SYT14: variants seen among roughly 807,000 people sequenced by gnomAD.
SYT14 encodes the protein synaptotagmin 14.
A neutral mutation model predicts 74.2 loss-of-function variants in SYT14; 32 were observed. The ratio of observed to expected loss-of-function variants is 0.43; its 90% CI spans 0.33 to 0.58. The LOEUF (loss-of-function observed/expected upper bound fraction) is 0.58. Ranked by LOEUF, SYT14 falls within the 20% of genes least tolerant of loss-of-function variation. SYT14 has a pLI of 0.05. For missense variants in SYT14, 791 were observed against 981.8 expected (o/e 0.81, Z 2.60); for synonymous variants, 298 against 337.7 (o/e 0.88, Z 1.29).
At chr1:210,155,652 G>A (rs2083253157) in intron 7 of SYT14, 69 bp from the exon 7 acceptor site, 4 of 1,523,654 alleles carry the variant, frequency 2.6e-6, no homozygotes, top group Non-Finnish European at 3.6e-6. Flanking sequence ...AAATAAACAT[G>A]GCATAACAAT....
intron 1 of SYT14, among the ~76,000 whole-genome samples, chr1:209,948,255 T>C (rs1339034535): frequency 6.6e-6 from 1 of 152,234 alleles, no homozygotes; most frequent in Non-Finnish European, 1.5e-5. Flanking sequence ...CATGTACATA[T>C]GTTGTAATGA....
intron 5 of SYT14, among the ~76,000 whole-genome samples, chr1:210,036,685 T>C (rs752350454): frequency 1.3e-5 from 2 of 152,118 alleles, no homozygotes; most frequent in Non-Finnish European, 2.9e-5. Context: ...TCTGTTGAGA[T>C]GATAATATAG....
exon 10 of SYT14, chr1:210,161,019 T>C: frequency 1.9e-6 from 3 of 1,613,828 alleles, no homozygotes; most frequent in Non-Finnish European, 2.5e-6. Flanking sequence ...AGTATGTAGA[T>C]GGCATGCGTT....
intron 2 of SYT14, among the ~76,000 whole-genome samples, chr1:209,998,308 A>G (rs963639841): frequency 1.3e-5 from 2 of 152,116 alleles, no homozygotes; most frequent in Admixed American, 6.6e-5. Context: ...AGAGGACCCA[A>G]ACAAATGGAA....
intron 2 of SYT14, among the ~76,000 whole-genome samples, chr1:209,993,809 G>A (rs2079737273): frequency 6.6e-6 from 1 of 152,042 alleles, no homozygotes; most frequent in South Asian, 2.1e-4. Context: ...TGAAAGTGAG[G>A]AAGTACCAAA....
chr1:210,040,350 A>G (rs1364771473), intron 5 of SYT14, among the ~76,000 whole-genome samples: 1 of 152,102 alleles, frequency 6.6e-6, no homozygotes, highest in East Asian at 1.9e-4. Context: ...GGGGAACATC[A>G]CACACTGGGA....
exon 10 of SYT14, chr1:210,161,187 GAAC>G: frequency 1.1e-6 from 1 of 880,642 alleles, no homozygotes; most frequent in Non-Finnish European, 1.8e-6. Flanking sequence ...TCTATGGAAA[GAAC>G]GTCTCATACT....
exon 10 of SYT14, chr1:210,161,784 T>C (rs1371562828): frequency 2.2e-6 from 1 of 453,924 alleles, no homozygotes; most frequent in Non-Finnish European, 4.4e-6. Context: ...CAGGTTGTAC[T>C]GTAGAACTAC....
intron 7 of SYT14, among the ~76,000 whole-genome samples, chr1:210,147,149 TAAAA>T (rs1371202385): frequency 1.3e-5 from 2 of 149,616 alleles, no homozygotes; most frequent in Middle Eastern, 3.4e-3. Context: ...AATAAAGAAA[TAAAA>T]GAAGTAATAG....
intron 7 of SYT14, among the ~76,000 whole-genome samples, chr1:210,116,319 T>C (rs1020455093): frequency 6.6e-6 from 1 of 152,122 alleles, no homozygotes; most frequent in Non-Finnish European, 1.5e-5. Flanking sequence ...GCTAATCTTA[T>C]ATTATTGAAC....
intron 5 of SYT14, among the ~76,000 whole-genome samples, chr1:210,059,449 TATAG>T (rs1446604251): frequency 2.6e-3 from 231 of 89,686 alleles, no homozygotes; most frequent in South Asian, 4.7e-3. Flanking sequence ...TATATATATA[TATAG>T]AGAGAGAGAG....
intron 2 of SYT14, among the ~76,000 whole-genome samples, chr1:209,975,896 A>C (rs1481905349): frequency 6.6e-6 from 1 of 152,200 alleles, no homozygotes; most frequent in Non-Finnish European, 1.5e-5. Context: ...TTGTTGGTCT[A>C]TTCAGAGATT....
Position 210,075,637 on chromosome 1 carries a change from T to C in SYT14, c.1313-18685T>C, listed in dbSNP as rs560217512. Among the ~76,000 whole-genome samples the C allele has an allele frequency of 2.2e-4, 33 of 152,234 alleles. No individual in the cohort carries two copies. The South Asian group carries it at 6.7e-3, about 31-fold the overall frequency. On this transcript the variant is annotated intron_variant, in intron 5 of 9. Coordinates refer to ENST00000637265, the Ensembl canonical transcript of SYT14. ...CATGAGCCACCGTGCCTGGCCGGTCTTGAGGATTTTTATAGGCACAGGATG... is the reference window on the plus strand; with the variant it reads ...CATGAGCCACCGTGCCTGGCCGGTCCTGAGGATTTTTATAGGCACAGGATG...
chr1:210,112,987 TAGAG>T (rs1228310724), intron 7 of SYT14, among the ~76,000 whole-genome samples: 1 of 151,284 alleles, frequency 6.6e-6, no homozygotes, highest in Non-Finnish European at 1.5e-5. Context: ...TTGAGAACTG[TAGAG>T]AGTGAGTTGA....
chr1:210,170,139 C>T (rs931230657), exon 10 of SYT14: 6 of 152,132 alleles, frequency 3.9e-5, no homozygotes, highest in African/African-American at 1.4e-4. Flanking sequence ...TGCTGATTAA[C>T]CTTTTCCTTG....
chr1:210,146,670 C>G (rs1234664325), intron 7 of SYT14, among the ~76,000 whole-genome samples: 1 of 151,078 alleles, frequency 6.6e-6, no homozygotes, highest in African/African-American at 2.4e-5. Flanking sequence ...TATGTATATA[C>G]TACATATATA....
chr1:210,168,817 C>G (rs1225268482), exon 10 of SYT14: 1 of 152,100 alleles, frequency 6.6e-6, no homozygotes, highest in African/African-American at 2.4e-5. Context: ...GGTTGGTCCT[C>G]CTAGTGATTC....
intron 3 of SYT14, among the ~76,000 whole-genome samples, chr1:210,014,276 A>G (rs2080141579): frequency 6.6e-6 from 1 of 152,002 alleles, no homozygotes; most frequent in East Asian, 1.9e-4. Context: ...TTAGTAACTT[A>G]ATTTATATAT....
intron 5 of SYT14, among the ~76,000 whole-genome samples, chr1:210,068,094 T>C (rs972088416): frequency 1.3e-5 from 2 of 151,942 alleles, no homozygotes; most frequent in Admixed American, 6.6e-5. Flanking sequence ...ATACCTCTTA[T>C]TGAATTAAGG....
Sources: gnomAD v4.1 joint callset for allele counts (sites outside exome capture counted in the v4.1 genomes callset) on GRCh38, gnomAD v4.1.1 for gene constraint, MANE v1.5 for transcripts, NCBI Gene and HGNC (gene_info 2026-07-23, HGNC 2026-07-21) for gene names.